Variants in NCAM2 observed in about 807,000 individuals in gnomAD.
NCAM2 encodes the protein N-CAM-2.
Under a neutral mutation model 98.1 loss-of-function variants are expected in NCAM2, and 30 were observed. The ratio of observed to expected loss-of-function variants is 0.31; its 90% CI spans 0.23 to 0.41. The LOEUF (loss-of-function observed/expected upper bound fraction) is 0.41. NCAM2 is among the 10% of genes least tolerant of loss of function. The pLI, the probability that NCAM2 is intolerant of heterozygous loss-of-function variation, is 1.00. For missense variants in NCAM2, 867 were observed against 1,005.8 expected (o/e 0.86, Z 1.87); for synonymous variants, 368 against 342.4 (o/e 1.07, Z -0.83).
chr21:21,477,449 A>G lies in NCAM2; in HGVS notation c.2055A>G (p.Pro685=). The change falls in exon 15 of 18, where the codon CCA becomes CCG. Residue 685 remains proline, a synonymous_variant. Coordinates refer to ENST00000400546, the MANE Select transcript of NCAM2 (RefSeq NM_004540.5). Reference sequence around the variant, plus strand: ...CGACAGTTTATGAATTCAGCATGCCACCAAAGCCCAACATTATTAAAGGTA... The same window carrying G: ...CGACAGTTTATGAATTCAGCATGCCGCCAAAGCCCAACATTATTAAAGGTA... The part of the protein sequence containing the change: ...SEPTVYEFSM[P]PKPNIIKDTL... The G allele has an allele frequency of 1.9e-6, 3 of 1,601,926 alleles. No homozygotes were observed. Among genetic ancestry groups the G allele is most frequent in the African/African-American group, 1.3e-5 (1 of 74,768 alleles).
At chr21:21,238,701 A>G (rs2147224867) in intron 1 of NCAM2, among the ~76,000 whole-genome samples, 1 of 152,296 alleles carries the variant, frequency 6.6e-6, no homozygotes, top group African/African-American at 2.4e-5. Flanking sequence ...AAAGCATGTA[A>G]AAATAGAATC....
intron 1 of NCAM2, among the ~76,000 whole-genome samples, chr21:21,105,764 A>G (rs1259341060): frequency 1.2e-4 from 19 of 152,248 alleles, no homozygotes; most frequent in Admixed American, 1.1e-3. Flanking sequence ...CTCTAAAGCC[A>G]ATCTGCAAAG....
intron 1 of NCAM2, among the ~76,000 whole-genome samples, chr21:21,052,809 C>G (rs1313361530): frequency 1.3e-5 from 2 of 152,110 alleles, no homozygotes; most frequent in Non-Finnish European, 2.9e-5. Flanking sequence ...CCTATTTACT[C>G]TCTTTTTTTC....
chr21:21,202,105 T>C (rs2069246560), intron 1 of NCAM2, among the ~76,000 whole-genome samples: 1 of 152,114 alleles, frequency 6.6e-6, no homozygotes, highest in Non-Finnish European at 1.5e-5. Flanking sequence ...CATAGTGGTT[T>C]TAGAGAGTCG....
intron 1 of NCAM2, among the ~76,000 whole-genome samples, chr21:21,274,423 C>G (rs2072644432): frequency 6.6e-6 from 1 of 152,100 alleles, no homozygotes; most frequent in Non-Finnish European, 1.5e-5. Context: ...GAATTTCTCT[C>G]CTAAGTGATC....
At chr21:21,322,368 A>G (rs902820444) in intron 5 of NCAM2, among the ~76,000 whole-genome samples, 5 of 152,158 alleles carry the variant, frequency 3.3e-5, no homozygotes, top group Admixed American at 6.6e-5. Context: ...AACTATCTGG[A>G]TGACAGAACC....
intron 5 of NCAM2, among the ~76,000 whole-genome samples, chr21:21,313,850 A>G (rs941575071): frequency 2.6e-5 from 4 of 151,952 alleles, no homozygotes; most frequent in Admixed American, 6.6e-5. Flanking sequence ...TGTTTTCACA[A>G]TTTGTGGGGA....
intron 2 of NCAM2, among the ~76,000 whole-genome samples, chr21:21,282,200 C>T (rs1568880401): frequency 6.6e-6 from 1 of 151,698 alleles, no homozygotes; most frequent in Non-Finnish European, 1.5e-5. Flanking sequence ...AATTGTATCA[C>T]ATAAAGGTAG....
intron 12 of NCAM2, among the ~76,000 whole-genome samples, chr21:21,459,335 T>C (rs978322601): frequency 6.6e-6 from 1 of 151,724 alleles, no homozygotes; most frequent in Non-Finnish European, 1.5e-5. Flanking sequence ...CTATGTTCTT[T>C]GTAGCATTAT....
At chr21:21,096,953 GAC>G (rs1260497625) in intron 1 of NCAM2, among the ~76,000 whole-genome samples, 1 of 151,694 alleles carries the variant, frequency 6.6e-6, no homozygotes, top group East Asian at 1.9e-4. Context: ...CTGTAATGGA[GAC>G]AGTGTCAACA....
intron 1 of NCAM2, among the ~76,000 whole-genome samples, chr21:21,059,830 G>A (rs968189318): frequency 6.6e-6 from 1 of 152,074 alleles, no homozygotes; most frequent in Non-Finnish European, 1.5e-5. Flanking sequence ...CAAGGAAGCT[G>A]CTAAATATGC....
chr21:21,436,585 G>A (rs112749882), intron 12 of NCAM2, among the ~76,000 whole-genome samples: 15 of 152,068 alleles, frequency 9.9e-5, no homozygotes, highest in African/African-American at 2.2e-4. Context: ...AGTGGACCTC[G>A]TATGCCTTGT....
chr21:21,040,653 A>G (rs1475636068), intron 1 of NCAM2, among the ~76,000 whole-genome samples: 1 of 152,142 alleles, frequency 6.6e-6, no homozygotes, highest in Non-Finnish European at 1.5e-5. Context: ...AGTCTGGAGG[A>G]TATTATGTTA....
intron 1 of NCAM2, among the ~76,000 whole-genome samples, chr21:21,264,124 T>C (rs888453387): frequency 2.0e-5 from 3 of 151,940 alleles, no homozygotes; most frequent in Non-Finnish European, 2.9e-5. Flanking sequence ...CCAGAATCTA[T>C]AGGGAACTTA....
chr21:21,069,501 T>C (rs562066209), intron 1 of NCAM2, among the ~76,000 whole-genome samples: 2 of 149,568 alleles, frequency 1.3e-5, no homozygotes, highest in African/African-American at 5.1e-5. Flanking sequence ...AGACTACCCA[T>C]AGTATAGTAA....
intron 1 of NCAM2, among the ~76,000 whole-genome samples, chr21:21,214,418 A>G (rs1420231130): frequency 6.6e-6 from 1 of 152,048 alleles, no homozygotes; most frequent in African/African-American, 2.4e-5. Flanking sequence ...GTAGGGTCAC[A>G]TATGTAATAT....
At chr21:21,361,640 A>G (rs1213559568) in intron 8 of NCAM2, among the ~76,000 whole-genome samples, 1 of 152,026 alleles carries the variant, frequency 6.6e-6, no homozygotes, top group Non-Finnish European at 1.5e-5. Context: ...GGATTCTGTA[A>G]TCTCCAAATT....
chr21:21,211,612 CACA>C (rs909798814), intron 1 of NCAM2, among the ~76,000 whole-genome samples: 1 of 151,654 alleles, frequency 6.6e-6, no homozygotes, highest in South Asian at 2.1e-4. Context: ...AAACAAACAA[CACA>C]ACAACAACAA....
At chr21:21,332,219 A>T (rs1204194490) in intron 6 of NCAM2, among the ~76,000 whole-genome samples, 1 of 152,044 alleles carries the variant, frequency 6.6e-6, no homozygotes, top group Non-Finnish European at 1.5e-5. Context: ...GGAATTTTTA[A>T]TTGGGTTCCA....
Sources: allele counts gnomAD v4.1 joint callset (sites outside exome capture counted in the v4.1 genomes callset), GRCh38; gene constraint gnomAD v4.1.1; transcripts MANE v1.5; gene names NCBI Gene and HGNC (gene_info 2026-07-23, HGNC 2026-07-21).